SH3RF3: variants seen among roughly 807,000 people sequenced by gnomAD.
The protein encoded by SH3RF3 is SH3 domain containing ring finger 3, also known as E3 ubiquitin-protein ligase SH3RF3.
In SH3RF3, 29 loss-of-function variants were observed where a neutral mutation model predicts 66.3. The observed-to-expected ratio is 0.44, with a 90% CI of 0.33 to 0.60. The LOEUF (loss-of-function observed/expected upper bound fraction) is 0.60. SH3RF3 is among the 20% of genes least tolerant of loss of function. SH3RF3 has a pLI of 0.04. For synonymous variants in SH3RF3, 583 were observed against 532.0 expected (o/e 1.10, Z -1.32); for missense variants, 1,194 against 1,190.9 (o/e 1.00, Z -0.04).
At chr2:109,146,022 T>C (rs1677088017) in intron 1 of SH3RF3, among the ~76,000 whole-genome samples, 2 of 152,060 alleles carry the variant, frequency 1.3e-5, no homozygotes, top group South Asian at 2.1e-4. Flanking sequence ...TCCTTGTCTA[T>C]GTGGGCCGAC....
intron 8 of SH3RF3, 39 bp from the exon 9 acceptor site, chr2:109,490,566 C>G: frequency 7.2e-7 from 1 of 1,383,054 alleles, no homozygotes; most frequent in Non-Finnish European, 9.4e-7. Flanking sequence ...CATTGGGAAG[C>G]ATTCACCTGT....
At chr2:109,394,913 C>G (rs561608290) in intron 3 of SH3RF3, among the ~76,000 whole-genome samples, 1 of 152,210 alleles carries the variant, frequency 6.6e-6, no homozygotes, top group Non-Finnish European at 1.5e-5. Flanking sequence ...AATGGGTGCA[C>G]GGGAGCCGCC....
intron 1 of SH3RF3, among the ~76,000 whole-genome samples, chr2:109,250,562 A>G (rs1164276610): frequency 6.6e-6 from 1 of 152,140 alleles, no homozygotes; most frequent in East Asian, 1.9e-4. Context: ...TTTTCAAAAC[A>G]TGATAAATAC....
intron 8 of SH3RF3, among the ~76,000 whole-genome samples, chr2:109,450,973 G>C (rs962965031): frequency 1.3e-5 from 2 of 152,236 alleles, no homozygotes; most frequent in Non-Finnish European, 2.9e-5. Context: ...GCCAAACCCA[G>C]CGCTGACTCG....
intron 8 of SH3RF3, among the ~76,000 whole-genome samples, chr2:109,469,694 C>T (rs1377222668): frequency 1.3e-5 from 2 of 152,134 alleles, no homozygotes; most frequent in South Asian, 2.1e-4. Context: ...ACCCAACAAG[C>T]AAATAGTAAT....
At chr2:109,486,825 T>A (rs1678992939) in intron 8 of SH3RF3, among the ~76,000 whole-genome samples, 1 of 152,248 alleles carries the variant, frequency 6.6e-6, no homozygotes, top group South Asian at 2.1e-4. Context: ...GCCCATCACT[T>A]CCATGGAGGA....
intron 1 of SH3RF3, among the ~76,000 whole-genome samples, chr2:109,232,247 A>G (rs188789526): frequency 6.6e-6 from 1 of 152,242 alleles, no homozygotes; most frequent in Non-Finnish European, 1.5e-5. Context: ...TAGGAGAATT[A>G]CAGTTCCCCA....
At chr2:109,399,143 G>A (rs1676237466) in intron 4 of SH3RF3, among the ~76,000 whole-genome samples, 200 bp downstream of exon 4, 2 of 152,054 alleles carry the variant, frequency 1.3e-5, no homozygotes, top group Admixed American at 6.5e-5. Flanking sequence ...TGCCCTCCCT[G>A]GTTCAGAAGA....
intron 2 of SH3RF3, among the ~76,000 whole-genome samples, chr2:109,359,246 C>A (rs894485055): frequency 9.2e-5 from 14 of 152,146 alleles, no homozygotes; most frequent in Non-Finnish European, 2.9e-5. Flanking sequence ...TATTTGTTGG[C>A]TCTTCTAGGT....
intron 1 of SH3RF3, among the ~76,000 whole-genome samples, chr2:109,136,878 T>TGAGA (rs548856035): frequency 8.2e-4 from 125 of 152,160 alleles, no homozygotes; most frequent in Non-Finnish European, 1.6e-3. Flanking sequence ...CCGGGCTCTC[T>TGAGA]GAGAGCAAGA....
At chr2:109,351,225 T>C (rs1291781048) in intron 2 of SH3RF3, among the ~76,000 whole-genome samples, 1 of 152,190 alleles carries the variant, frequency 6.6e-6, no homozygotes, top group Admixed American at 6.5e-5. Flanking sequence ...CCTCCACACG[T>C]GCTGGGCCAG....
At chr2:109,455,841 G>C (rs1678039228) in intron 8 of SH3RF3, among the ~76,000 whole-genome samples, 1 of 152,228 alleles carries the variant, frequency 6.6e-6, no homozygotes, top group Non-Finnish European at 1.5e-5. Context: ...GCTACACTCT[G>C]CTGGCACAGG....
chr2:109,432,435 A>G, intron 5 of SH3RF3, 66 bp from the exon 6 acceptor site: 1 of 1,582,998 alleles, frequency 6.3e-7, no homozygotes, highest in Non-Finnish European at 8.6e-7. Context: ...TCCCCCCAGG[A>G]ATGCCGGCCG....
intron 7 of SH3RF3, among the ~76,000 whole-genome samples, chr2:109,438,741 T>TAC (rs367671836): frequency 1.1e-3 from 170 of 152,300 alleles, no homozygotes; most frequent in African/African-American, 3.9e-3. Context: ...TAGCTGGGGA[T>TAC]ACAGTCATTG....
At chr2:109,313,287 G>T (rs542750579) in intron 1 of SH3RF3, among the ~76,000 whole-genome samples, 1 of 152,352 alleles carries the variant, frequency 6.6e-6, no homozygotes, top group South Asian at 2.1e-4. Context: ...CCCCAAACCT[G>T]CTGTACATCC....
intron 1 of SH3RF3, among the ~76,000 whole-genome samples, chr2:109,181,562 C>G (rs1284094918): frequency 6.6e-6 from 1 of 152,210 alleles, no homozygotes; most frequent in Non-Finnish European, 1.5e-5. Flanking sequence ...ATGCCACACT[C>G]CTACTTTCAC....
intron 1 of SH3RF3, among the ~76,000 whole-genome samples, chr2:109,273,797 A>G (rs1680681049): frequency 6.6e-6 from 1 of 152,130 alleles, no homozygotes; most frequent in African/African-American, 2.4e-5. Flanking sequence ...ACTGAAATCC[A>G]GATATGCTGC....
At chr2:109,335,116 C>T (rs992014905) in intron 1 of SH3RF3, among the ~76,000 whole-genome samples, 10 of 152,232 alleles carry the variant, frequency 6.6e-5, no homozygotes, top group Admixed American at 6.5e-5. Flanking sequence ...CCGAACATTT[C>T]GTGTTTTCGG....
chr2:109,241,907 A>G (rs1251661528), intron 1 of SH3RF3, among the ~76,000 whole-genome samples: 1 of 151,662 alleles, frequency 6.6e-6, no homozygotes, highest in Non-Finnish European at 1.5e-5. Flanking sequence ...CTGGGACTAC[A>G]GGGGCCCACC....
Sources: gnomAD v4.1 joint callset for allele counts (sites outside exome capture counted in the v4.1 genomes callset) on GRCh38, gnomAD v4.1.1 for gene constraint, MANE v1.5 for transcripts, NCBI Gene and HGNC (gene_info 2026-07-23, HGNC 2026-07-21) for gene names.